The following CCSER1 variants were observed in gnomAD, a reference collection of about 807,000 sequenced individuals.
CCSER1 encodes the protein coiled-coil serine rich protein 1, also known as serine-rich coiled-coil domain-containing protein 1.
In CCSER1, 41 loss-of-function variants were observed where a neutral mutation model predicts 82.0. The observed-to-expected ratio is 0.50, with a 90% CI of 0.39 to 0.65. CCSER1 has a LOEUF of 0.65. Among genes scored for constraint, CCSER1 ranks in the 30% least tolerant of loss-of-function variants. The probability of loss-of-function intolerance (pLI) is 0.00; values close to 1 mark genes in which losing one functional copy is unlikely to be tolerated. For synonymous variants in CCSER1, 414 were observed against 383.9 expected (o/e 1.08, Z -0.92); for missense variants, 1,119 against 1,064.2 (o/e 1.05, Z -0.72).
chr4:90,130,692 C>T (rs915107367), intron 1 of CCSER1, among the ~76,000 whole-genome samples: 9 of 152,104 alleles, frequency 5.9e-5, no homozygotes, highest in Middle Eastern at 3.4e-3. Context: ...GGCGCTACCT[C>T]GGCTCACTGC....
intron 10 of CCSER1, among the ~76,000 whole-genome samples, chr4:91,349,507 A>C (rs1748322661): frequency 6.6e-6 from 1 of 152,130 alleles, no homozygotes; most frequent in Admixed American, 6.5e-5. Context: ...ACCTTATAGA[A>C]GTCAATAACC....
intron 8 of CCSER1, among the ~76,000 whole-genome samples, chr4:90,850,930 T>G (rs1561246816): frequency 6.6e-6 from 1 of 152,184 alleles, no homozygotes; most frequent in Non-Finnish European, 1.5e-5. Context: ...AATTGTCATA[T>G]TCCCCACATT....
chr4:90,593,402 A>G (rs886690198), intron 5 of CCSER1, among the ~76,000 whole-genome samples: 63 of 152,128 alleles, frequency 4.1e-4, no homozygotes, highest in African/African-American at 1.4e-3. Context: ...TTGAAAATGA[A>G]AGCACACTCC....
At chr4:91,453,707 A>G (rs770580056) in intron 10 of CCSER1, among the ~76,000 whole-genome samples, 15 of 152,100 alleles carry the variant, frequency 9.9e-5, no homozygotes, top group Non-Finnish European at 1.9e-4. Flanking sequence ...GGTGTTCTAT[A>G]TCTTAGCTGA....
At chr4:90,700,185 T>C (rs1402838312) in intron 6 of CCSER1, among the ~76,000 whole-genome samples, 2 of 152,084 alleles carry the variant, frequency 1.3e-5, no homozygotes, top group Non-Finnish European at 2.9e-5. Context: ...CCCCTTCCTG[T>C]GTCCAAGTGT....
At chr4:91,142,886 G>A (rs1729171752) in intron 10 of CCSER1, among the ~76,000 whole-genome samples, 1 of 151,998 alleles carries the variant, frequency 6.6e-6, no homozygotes, top group South Asian at 2.1e-4. Flanking sequence ...CTGTAACTTT[G>A]TAGGGTAGTT....
intron 8 of CCSER1, among the ~76,000 whole-genome samples, chr4:90,894,922 T>G (rs529827135): frequency 7.2e-4 from 109 of 152,146 alleles, no homozygotes; most frequent in Non-Finnish European, 1.4e-3. Flanking sequence ...TAAAATTAGA[T>G]TAAAATAGAC....
intron 10 of CCSER1, among the ~76,000 whole-genome samples, chr4:91,366,330 ATTC>A (rs1321827484): frequency 1.3e-5 from 2 of 152,118 alleles, no homozygotes; most frequent in African/African-American, 4.8e-5. Flanking sequence ...CCTCTCACCT[ATTC>A]TTCCTGCTAG....
chr4:90,333,904 A>G (rs933204563), intron 3 of CCSER1, among the ~76,000 whole-genome samples: 1 of 152,226 alleles, frequency 6.6e-6, no homozygotes, highest in Non-Finnish European at 1.5e-5. Flanking sequence ...TTGTATCATC[A>G]TTGGATACAA....
intron 10 of CCSER1, among the ~76,000 whole-genome samples, chr4:91,471,934 C>T (rs1757295637): frequency 1.4e-5 from 2 of 139,004 alleles, no homozygotes; most frequent in Non-Finnish European, 3.0e-5. Flanking sequence ...CGTGCCACTG[C>T]ACTCCAGTCT....
intron 3 of CCSER1, among the ~76,000 whole-genome samples, chr4:90,351,595 C>T (rs900039593): frequency 5.9e-5 from 9 of 151,852 alleles, no homozygotes; most frequent in Middle Eastern, 3.4e-3. Flanking sequence ...TGTGTATGTT[C>T]AACAATAGTG....
chr4:91,026,959 A>G (rs995770752), intron 9 of CCSER1, among the ~76,000 whole-genome samples: 8 of 151,986 alleles, frequency 5.3e-5, no homozygotes, highest in African/African-American at 1.9e-4. Context: ...TCAATGTAAA[A>G]TTTTCTATTA....
intron 7 of CCSER1, among the ~76,000 whole-genome samples, chr4:90,808,538 A>C (rs1000360204): frequency 6.6e-6 from 1 of 152,044 alleles, no homozygotes; most frequent in African/African-American, 2.4e-5. Flanking sequence ...TCAAATCAGC[A>C]AGAAAAAAAA....
At chr4:90,779,862 A>G (rs1270702405) in intron 7 of CCSER1, among the ~76,000 whole-genome samples, 3 of 152,202 alleles carry the variant, frequency 2.0e-5, no homozygotes, top group East Asian at 1.9e-4. Context: ...TTGGATCTGT[A>G]TTTGCCTTCC....
intron 5 of CCSER1, among the ~76,000 whole-genome samples, chr4:90,561,411 A>G (rs1778746033): frequency 6.6e-6 from 1 of 152,246 alleles, no homozygotes; most frequent in Non-Finnish European, 1.5e-5. Context: ...TAATGTTTAT[A>G]TCTTTAATTT....
At chr4:90,460,901 GA>G (rs1411598369) in intron 4 of CCSER1, among the ~76,000 whole-genome samples, 9 of 152,000 alleles carry the variant, frequency 5.9e-5, no homozygotes, top group African/African-American at 9.7e-5. Flanking sequence ...TAACATTTCT[GA>G]ATACTCTGCA....
At chr4:90,909,899 A>G (rs1581035106) in intron 8 of CCSER1, among the ~76,000 whole-genome samples, 1 of 152,216 alleles carries the variant, frequency 6.6e-6, no homozygotes, top group Admixed American at 6.5e-5. Context: ...AGAAATCATA[A>G]TTCAACTCAC....
intron 10 of CCSER1, among the ~76,000 whole-genome samples, chr4:91,185,149 G>A (rs1045988101): frequency 6.6e-6 from 1 of 152,054 alleles, no homozygotes; most frequent in Non-Finnish European, 1.5e-5. Flanking sequence ...GCACAGGTAG[G>A]GTGTTTATCA....
chr4:90,975,348 T>C (rs1332162357), intron 9 of CCSER1, among the ~76,000 whole-genome samples: 1 of 151,346 alleles, frequency 6.6e-6, no homozygotes, highest in East Asian at 1.9e-4. Context: ...TAATTTGAAA[T>C]TGAGATATAT....
Sources: allele counts gnomAD v4.1 joint callset (sites outside exome capture counted in the v4.1 genomes callset), GRCh38; gene constraint gnomAD v4.1.1; transcripts MANE v1.5; gene names NCBI Gene and HGNC (gene_info 2026-07-23, HGNC 2026-07-21).